Variants in APPL2 observed in about 807,000 individuals in gnomAD.
APPL2 encodes the protein DCC-interacting protein 13-beta.
APPL2 carries 84 observed loss-of-function variants against 92.7 expected under a neutral mutation model. The ratio of observed to expected loss-of-function variants is 0.91; its 90% CI spans 0.76 to 1.09. APPL2 has a LOEUF of 1.09. Ranked by LOEUF, APPL2 falls within the 50% of genes least tolerant of loss-of-function variation. The pLI is 0.00. For missense variants in APPL2, 736 were observed against 824.5 expected (o/e 0.89, Z 1.31); for synonymous variants, 291 against 291.0 (o/e 1.00, Z 0.00).
intron 1 of APPL2, among the ~76,000 whole-genome samples, chr12:105,230,506 G>T (rs896521063): frequency 6.6e-6 from 1 of 152,156 alleles, no homozygotes; most frequent in African/African-American, 2.4e-5. Flanking sequence ...ATAATTTCAG[G>T]AATGCCTTTG....
chr12:105,195,596 C>T lies in APPL2; in HGVS notation c.1084G>A (p.Glu362Lys). Residue 362 changes from glutamate to lysine, a missense_variant, in exon 12 of 21, where the codon GAA (glutamate) becomes AAA (lysine). Physicochemically the swap from Glu to Lys is moderately conservative, Grantham distance 56. Transcript: ENST00000258530. ...GIILQAESRK[E>K]NEEWICAINN... ...AACAAAATTTTTACCTCTTCATTTT[C>T]CTTTCTGCTCTCAGCCTGGAGGATT... is the stretch of plus-strand genomic sequence containing the variant. The T allele has an allele frequency of 6.2e-7, 1 of 1,614,194 alleles. No homozygotes were observed.
intron 5 of APPL2, among the ~76,000 whole-genome samples, chr12:105,209,621 G>A (rs553740879): frequency 2.8e-4 from 42 of 152,180 alleles, no homozygotes; most frequent in Middle Eastern, 3.4e-3. Context: ...ATGACATCCC[G>A]TTCACTTCTA....
intron 14 of APPL2, among the ~76,000 whole-genome samples, chr12:105,194,981 G>A (rs1326889418): frequency 6.6e-6 from 1 of 152,110 alleles, no homozygotes; most frequent in Non-Finnish European, 1.5e-5. Flanking sequence ...CTGACTAGGA[G>A]GACCCTCCAT....
At chr12:105,176,412 A>C (rs922625142) in intron 19 of APPL2, 1 of 469,278 alleles carries the variant, frequency 2.1e-6, no homozygotes, top group Non-Finnish European at 3.7e-6. Flanking sequence ...GCAAACAGAT[A>C]ATTTACTGAA....
intron 9 of APPL2, among the ~76,000 whole-genome samples, chr12:105,201,756 G>A (rs1375472760): frequency 2.6e-5 from 4 of 152,148 alleles, no homozygotes; most frequent in African/African-American, 9.7e-5. Flanking sequence ...ATATATATCT[G>A]TTGATATATA....
intron 2 of APPL2, among the ~76,000 whole-genome samples, chr12:105,223,788 G>A (rs1011846931): frequency 6.6e-6 from 1 of 152,120 alleles, no homozygotes; most frequent in Non-Finnish European, 1.5e-5. Context: ...AACAGAAGAC[G>A]GTTCTGTTCA....
intron 11 of APPL2, among the ~76,000 whole-genome samples, chr12:105,196,029 TGGGTG>T (rs1887609829): frequency 6.9e-6 from 1 of 144,354 alleles, no homozygotes; most frequent in Non-Finnish European, 1.5e-5. Context: ...CACTCCAGCC[TGGGTG>T]ATAGGGCAAG....
At chr12:105,231,988 C>G (rs1361217829) in intron 1 of APPL2, among the ~76,000 whole-genome samples, 2 of 152,214 alleles carry the variant, frequency 1.3e-5, no homozygotes, top group Non-Finnish European at 2.9e-5. Flanking sequence ...AGCTCAAAAT[C>G]CCACGGTCAG....
intron 7 of APPL2, among the ~76,000 whole-genome samples, chr12:105,207,673 G>A (rs1566080330): frequency 6.6e-6 from 1 of 152,216 alleles, no homozygotes; most frequent in Non-Finnish European, 1.5e-5. Flanking sequence ...CTTGGGGCAA[G>A]GAGTTCAAGT....
chr12:105,186,605 AATATATATATC>A lies in APPL2; in HGVS notation c.1634+1657_1634+1667del, dbSNP rs1477487595. On this transcript the variant is annotated intron_variant, in intron 17 of 20. Coordinates refer to ENST00000258530, the MANE Select transcript of APPL2 (RefSeq NM_018171.5). ...CTTGCTAAACGCTTATTTTCCATTA[AATATATATATC>A]ATATATATATCATATATATCATATA... 1.7e-4 allele frequency among the ~76,000 whole-genome samples: 22 copies of A among 125,998 alleles called. 1 individual carries two copies. In the South Asian group the frequency reaches 4.5e-3, roughly 26 times the overall value. The allele number at this position is 125,998 out of a possible 152,430, so 82.7% of individuals were successfully genotyped here. A position where few individuals can be genotyped will look rare whatever the true frequency, so the allele number is the denominator to read the frequency against.
chr12:105,226,414 G>A (rs1358570079), intron 2 of APPL2, among the ~76,000 whole-genome samples: 4 of 152,254 alleles, frequency 2.6e-5, no homozygotes, highest in African/African-American at 9.6e-5. Flanking sequence ...GAGAACCCAC[G>A]TGATGATCAT....
chr12:105,195,523 A>C (rs559580373), intron 12 of APPL2, 22 bp from the exon 13 acceptor site: 21 of 1,614,132 alleles, frequency 1.3e-5, no homozygotes, highest in Non-Finnish European at 1.8e-5. Flanking sequence ...ATTAAAAAAG[A>C]ACACTGAATC....
chr12:105,176,112 C>T (rs886405639), intron 19 of APPL2, 30 bp from the exon 20 acceptor site: 1 of 1,572,576 alleles, frequency 6.4e-7, no homozygotes, highest in African/African-American at 1.4e-5. Context: ...TAGTGATTGG[C>T]AAAAGTAGAG....
chr12:105,222,547 G>C (rs1421989630), intron 2 of APPL2, among the ~76,000 whole-genome samples: 1 of 152,152 alleles, frequency 6.6e-6, no homozygotes, highest in Non-Finnish European at 1.5e-5. Context: ...ACTGAGGAGG[G>C]GATATGAATT....
At chr12:105,185,144 G>A (rs2135918290) in intron 17 of APPL2, among the ~76,000 whole-genome samples, 1 of 152,264 alleles carries the variant, frequency 6.6e-6, no homozygotes, top group African/African-American at 2.4e-5. Flanking sequence ...ACTTCAGACT[G>A]CTGTGCTGCC....
intron 3 of APPL2, 115 bp from the exon 4 acceptor site, chr12:105,217,255 CG>C (rs1889767442): frequency 1.5e-6 from 1 of 659,758 alleles, no homozygotes; most frequent in Non-Finnish European, 2.6e-6. Context: ...TCCAAGAGCA[CG>C]TCCTATCAGA....
chr12:105,214,167 T>A (rs1889455449), intron 4 of APPL2, among the ~76,000 whole-genome samples: 1 of 152,058 alleles, frequency 6.6e-6, no homozygotes, highest in South Asian at 2.1e-4. Flanking sequence ...GCCTGGGCAA[T>A]AAGAGCAAAA....
intron 8 of APPL2, among the ~76,000 whole-genome samples, chr12:105,204,364 C>T (rs1395098531): frequency 2.0e-5 from 3 of 152,174 alleles, no homozygotes; most frequent in Non-Finnish European, 2.9e-5. Context: ...CCTGGCATGG[C>T]GGGCACCAAA....
chr12:105,186,676 T>TATAATATAG (rs1886720792), intron 17 of APPL2, among the ~76,000 whole-genome samples: 1 of 32,816 alleles, frequency 3.0e-5, no homozygotes, highest in Admixed American at 3.7e-4. Context: ...ATATATATGA[T>TATAATATAG]ATATCATATA....
Sources: allele counts gnomAD v4.1 joint callset (sites outside exome capture counted in the v4.1 genomes callset), GRCh38; gene constraint gnomAD v4.1.1; transcripts MANE v1.5; gene names NCBI Gene and HGNC (gene_info 2026-07-23, HGNC 2026-07-21).